The following WDR41 variants were observed in gnomAD, a reference collection of about 807,000 sequenced individuals.
WDR41 encodes the protein WD repeat domain 41.
In WDR41, 63 loss-of-function variants were observed where a neutral mutation model predicts 69.3. The observed-to-expected ratio is 0.91, with a 90% CI of 0.74 to 1.12. The LOEUF (loss-of-function observed/expected upper bound fraction) is 1.12, where lower values mean the gene tolerates loss of function less well. Among genes scored for constraint, WDR41 ranks in the 50% most tolerant of loss-of-function variants. The probability of loss-of-function intolerance (pLI) is 0.00; values close to 1 mark genes in which losing one functional copy is unlikely to be tolerated. For synonymous variants in WDR41, 185 were observed against 192.1 expected, an observed-to-expected ratio of 0.96 and a Z score of 0.31; for missense variants, 543 against 534.5, an observed-to-expected ratio of 1.02 and a Z score of -0.16.
At position 77,492,287 on chromosome 5, in the gene WDR41, T is replaced by G. The variant is rs1801841513; in HGVS notation, c.-67A>C. The G allele has an allele frequency of 6.3e-7, 1 of 1,593,610 alleles. No individual in the cohort carries two copies. Among genetic ancestry groups the G allele is most frequent in the African/African-American group, 1.3e-5 (1 of 74,232 alleles). On this transcript the variant is annotated 5_prime_UTR_variant, in exon 1 of 13. Coordinates refer to ENST00000296679, the MANE Select transcript of WDR41 (RefSeq NM_018268.4). ...CCCAAACTCCGCCCCAGGCTCGGCC[T>G]CCTCCTTCCTCCCCGGCTGCAGCGC...
At chr5:77,476,102 C>T (rs374431033) in intron 2 of WDR41, among the ~76,000 whole-genome samples, 120 of 144,508 alleles carry the variant, frequency 8.3e-4, no homozygotes, top group Middle Eastern at 7.0e-3. Context: ...TGAAATGAAG[C>T]GAGAAGGGAA....
chr5:77,537,383 C>T (rs1743007012), intron 1 of WDR41, among the ~76,000 whole-genome samples: 1 of 152,208 alleles, frequency 6.6e-6, no homozygotes. Context: ...CATGTTTGGT[C>T]AGGAGGCCGA....
chr5:77,480,386 G>A (rs1163408719), intron 2 of WDR41, among the ~76,000 whole-genome samples: 1 of 152,120 alleles, frequency 6.6e-6, no homozygotes, highest in African/African-American at 2.4e-5. Flanking sequence ...TATGTTTATT[G>A]CGGCACTATT....
In WDR41 at chr5:77,606,223, T is replaced by C. The variant is rs549171823; in HGVS notation, c.42+14256A>G. On this transcript the variant is annotated intron_variant, in intron 1 of 5. Coordinates refer to the WDR41 transcript ENST00000509971. ...ACAGAGATTATACGAGCCTAACTAGTGCCAGAAAACCTCATCCATCCATTC... is the reference window on the plus strand; with the variant it reads ...ACAGAGATTATACGAGCCTAACTAGCGCCAGAAAACCTCATCCATCCATTC... Among the ~76,000 whole-genome samples the C allele has an allele frequency of 2.0e-5, 3 of 152,216 alleles. No homozygotes were observed. In the South Asian group the frequency reaches 6.2e-4, roughly 32 times the overall value.
chr5:77,584,482 C>A (rs1744002210), intron 1 of WDR41, among the ~76,000 whole-genome samples: 1 of 152,030 alleles, frequency 6.6e-6, no homozygotes, highest in Non-Finnish European at 1.5e-5. Context: ...ATAATAGCAT[C>A]TTAAAGAATA....
At chr5:77,503,885 A>C (rs1802060133) in intron 1 of WDR41, among the ~76,000 whole-genome samples, 1 of 152,210 alleles carries the variant, frequency 6.6e-6, no homozygotes, top group South Asian at 2.1e-4. Flanking sequence ...CAGTGTGTAG[A>C]GGGAAATTTA....
chr5:77,496,959 A>AT (rs1165983716), upstream of WDR41, among the ~76,000 whole-genome samples: 1 of 152,144 alleles, frequency 6.6e-6, no homozygotes, highest in Non-Finnish European at 1.5e-5. Context: ...TATATGGTCA[A>AT]TTTTTTTGAC....
chr5:77,618,458 C>T (rs1744717885), intron 1 of WDR41, among the ~76,000 whole-genome samples: 1 of 152,044 alleles, frequency 6.6e-6, no homozygotes, highest in African/African-American at 2.4e-5. Context: ...CTGCAACCTA[C>T]GCCTCCTGAG....
At chr5:77,435,530 G>C (rs1798903534) in intron 12 of WDR41, among the ~76,000 whole-genome samples, 1 of 152,176 alleles carries the variant, frequency 6.6e-6, no homozygotes, top group Admixed American at 6.5e-5. Context: ...TGCTGCCGCT[G>C]CTCCTCCTAA....
intron 1 of WDR41, among the ~76,000 whole-genome samples, chr5:77,598,313 A>C (rs916934823): frequency 1.3e-5 from 2 of 152,208 alleles, no homozygotes; most frequent in African/African-American, 4.8e-5. Flanking sequence ...CAATCAGTGC[A>C]TCATTTCCCT....
intron 1 of WDR41, among the ~76,000 whole-genome samples, chr5:77,572,375 G>A (rs1165804519): frequency 6.6e-6 from 1 of 152,132 alleles, no homozygotes; most frequent in Non-Finnish European, 1.5e-5. Flanking sequence ...CTAGCTATGT[G>A]AATTAACAGC....
At chr5:77,472,662 C>T (rs1800682330) in intron 2 of WDR41, among the ~76,000 whole-genome samples, 1 of 152,016 alleles carries the variant, frequency 6.6e-6, no homozygotes, top group African/African-American at 2.4e-5. Context: ...AGTGAACTCC[C>T]ATTCACAATT....
chr5:77,558,094 TA>T (rs71608105), intron 1 of WDR41, among the ~76,000 whole-genome samples: 4,917 of 104,356 alleles, frequency 0.047, 237 homozygotes, highest in African/African-American at 0.14. Flanking sequence ...ATGTTCTTTT[TA>T]AAAAAAAAAA....
rs1389706878 is a variant in WDR41 at position 77,477,487 on chromosome 5, G to A, written c.167+11970C>T. ...ATAACAAACTATCTCTCAGACCACA[G>A]TGCAATCAAACTAGAACTCAGGATT... On this transcript the variant is annotated intron_variant, in intron 2 of 12. Transcript: ENST00000296679. Among the ~76,000 whole-genome samples, 2 of 87,676 alleles carry A rather than the reference G, an allele frequency of 2.3e-5. 1 individual carries two copies. The highest frequency in any genetic ancestry group is 2.5e-4 in the Admixed American group (2 of 7,894). 57.5% of individuals were successfully genotyped at this position (87,676 alleles called of 152,430 possible).
At chr5:77,564,332 T>A (rs1387722562) in intron 1 of WDR41, among the ~76,000 whole-genome samples, 1 of 152,196 alleles carries the variant, frequency 6.6e-6, no homozygotes, top group Non-Finnish European at 1.5e-5. Flanking sequence ...GGCAAGAGAA[T>A]TGCTTGAGGC....
intron 1 of WDR41, among the ~76,000 whole-genome samples, chr5:77,511,886 AC>A (rs1802208806): frequency 6.6e-6 from 1 of 152,022 alleles, no homozygotes; most frequent in African/African-American, 2.4e-5. Context: ...AATTATTACT[AC>A]TACGGATGAG....
chr5:77,558,110 A>AC, intron 1 of WDR41, among the ~76,000 whole-genome samples: 1 of 149,628 alleles, frequency 6.7e-6, no homozygotes, highest in African/African-American at 2.5e-5. Context: ...AAAAAAAAAA[A>AC]AAAAAACAAA....
intron 2 of WDR41, among the ~76,000 whole-genome samples, chr5:77,489,030 A>G (rs992624250): frequency 6.6e-6 from 1 of 152,224 alleles, no homozygotes; most frequent in African/African-American, 2.4e-5. Flanking sequence ...GGTTTCATCA[A>G]TAACAAAAAC....
chr5:77,498,408 C>T (rs1801965341), intron 1 of WDR41, among the ~76,000 whole-genome samples: 1 of 152,092 alleles, frequency 6.6e-6, no homozygotes, highest in South Asian at 2.1e-4. Flanking sequence ...TTGTGCTAGA[C>T]AATTTGACAT....
Sources: gnomAD v4.1 joint callset for allele counts (sites outside exome capture counted in the v4.1 genomes callset) on GRCh38, gnomAD v4.1.1 for gene constraint, MANE v1.5 for transcripts, NCBI Gene and HGNC (gene_info 2026-07-23, HGNC 2026-07-21) for gene names.